The following IQSEC3 variants were observed in gnomAD, a reference collection of about 807,000 sequenced individuals.
IQSEC3 encodes the protein IQ motif and Sec7 domain ArfGEF 3.
IQSEC3 carries 50 observed loss-of-function variants against 105.4 expected under a neutral mutation model. That is an observed-to-expected ratio of 0.47 (90% CI 0.38 to 0.60). IQSEC3 has a LOEUF of 0.60. Among genes scored for constraint, IQSEC3 ranks in the 20% least tolerant of loss-of-function variants. IQSEC3 has a pLI of 0.00. For missense variants in IQSEC3, 1,415 were observed against 1,630.0 expected, an observed-to-expected ratio of 0.87 and a Z score of 2.27; for synonymous variants, 708 against 746.0, an observed-to-expected ratio of 0.95 and a Z score of 0.83.
intron 1 of IQSEC3, among the ~76,000 whole-genome samples, chr12:73,102 G>T (rs1555067982): frequency 6.6e-6 from 1 of 150,754 alleles, no homozygotes; most frequent in Non-Finnish European, 1.5e-5. Flanking sequence ...AAATAAAAAA[G>T]GGAATCAGGA....
At chr12:174,451 A>C in intron 13 of IQSEC3, 148 bp from the exon 14 acceptor site, 1 of 726,382 alleles carries the variant, frequency 1.4e-6, no homozygotes, top group Non-Finnish European at 2.1e-6. Flanking sequence ...GTCGCAACCC[A>C]GTCTTCTTGT....
In IQSEC3 at chr12:138,853, T is replaced by C; in HGVS notation, c.1490T>C (p.Ile497Thr). The C allele has an allele frequency of 6.2e-7, 1 of 1,612,092 alleles. No individual in the cohort carries two copies. Among genetic ancestry groups the C allele is most frequent in the East Asian group, 2.2e-5 (1 of 44,744 alleles). The change falls in exon 4 of 14, where the codon ATA (isoleucine) becomes ACA (threonine). Residue 497 changes from isoleucine (I) to threonine (T), a missense_variant. By Grantham distance (89) the Ile-to-Thr change is moderately conservative. Transcript: ENST00000538872. The surrounding 1 kb of genome is among the most constrained non-coding windows in gnomAD (Gnocchi z 7.1). ...DVTVQIANQNISVSSSTALSV... is the reference protein window; with the variant it reads ...DVTVQIANQNTSVSSSTALSV... ...ACGGTGCAGATCGCCAACCAGAACA[T>C]ATCCGTCTCCTCCTCCACGGCTCTG...
chr12:84,533 G>A (rs1863854226), intron 1 of IQSEC3, among the ~76,000 whole-genome samples: 1 of 152,238 alleles, frequency 6.6e-6, no homozygotes, highest in Non-Finnish European at 1.5e-5. Flanking sequence ...TGTGTGCATA[G>A]GTTTGGGGCG....
chr12:110,487 T>G (rs1864844169), intron 2 of IQSEC3, among the ~76,000 whole-genome samples: 1 of 151,884 alleles, frequency 6.6e-6, no homozygotes, highest in Non-Finnish European at 1.5e-5. Context: ...TCCCTTTAAT[T>G]ATTAGTTCCC....
At chr12:112,979 A>G (rs1283874683) in intron 2 of IQSEC3, among the ~76,000 whole-genome samples, 1 of 152,072 alleles carries the variant, frequency 6.6e-6, no homozygotes, top group Non-Finnish European at 1.5e-5. Flanking sequence ...GAAGAATTTC[A>G]CCCCACTCAT....
At chr12:84,959 C>T (rs916700900) in intron 1 of IQSEC3, among the ~76,000 whole-genome samples, 1 of 152,068 alleles carries the variant, frequency 6.6e-6, no homozygotes, top group Non-Finnish European at 1.5e-5. Context: ...CCAGAAGCAG[C>T]GTGCAGCAAA....
intron 13 of IQSEC3, among the ~76,000 whole-genome samples, chr12:171,787 A>G (rs1939012564): frequency 6.6e-6 from 1 of 152,196 alleles, no homozygotes; most frequent in African/African-American, 2.4e-5. Context: ...GAGACAGAGT[A>G]GGGTGGGGCT....
chr12:155,733 C>T (rs968143280), intron 5 of IQSEC3, among the ~76,000 whole-genome samples: 4 of 152,124 alleles, frequency 2.6e-5, no homozygotes, highest in African/African-American at 7.2e-5. Flanking sequence ...ACTCAGCAGG[C>T]GTTTTCTGTG....
At chr12:171,447 T>G (rs1431836992) in intron 13 of IQSEC3, 2 of 827,840 alleles carry the variant, frequency 2.4e-6, no homozygotes, top group Admixed American at 2.3e-5. Flanking sequence ...CACGGCACCC[T>G]AGGGCCATCC....
rs114830270 is a variant in IQSEC3, at chr12:155,624, T to C, written c.2154-1401T>C. Among the ~76,000 whole-genome samples, 495 of 151,712 alleles carry C rather than the reference T, an allele frequency of 3.3e-3. 3 individuals are homozygous for C. Among genetic ancestry groups the C allele is most frequent in the African/African-American group, 0.012 (479 of 41,338 alleles). On this transcript the variant is annotated intron_variant, in intron 5 of 13. Transcript: ENST00000538872. The stretch of plus-strand genomic sequence containing the variant: ...TTTCTCCTAAAAACTGACGGCAGAG[T>C]TGGGGGTCTCCAAGTCTTCTAGGCA...
intron 1 of IQSEC3, among the ~76,000 whole-genome samples, chr12:73,931 G>T (rs1232175563): frequency 6.6e-6 from 1 of 152,248 alleles, no homozygotes; most frequent in African/African-American, 2.4e-5. Flanking sequence ...ATTTCTAGTT[G>T]GCAAAGGCTT....
intron 3 of IQSEC3, among the ~76,000 whole-genome samples, chr12:127,391 T>C (rs572254992): frequency 2.0e-5 from 3 of 152,262 alleles, no homozygotes; most frequent in Admixed American, 6.5e-5. Context: ...TGGTGGCGCA[T>C]GCCTGTAATC....
Position 106,571 on chromosome 12 carries a change from G to C in IQSEC3, c.623+7357G>C, listed in dbSNP as rs567745799. 2.0e-5 allele frequency: 3 copies of C among 152,382 alleles called. No homozygotes were observed. The South Asian group carries it at 6.2e-4, about 32-fold the overall frequency. The allele number at this position is 152,382 out of a possible 1,614,324, so 9.4% of individuals were successfully genotyped here. Reference sequence around the variant, plus strand: ...AGTTAAGGAAATACCCCTAACTAAAGATAATACTTCCAGAACAAGTGAGAG... The same window carrying C: ...AGTTAAGGAAATACCCCTAACTAAACATAATACTTCCAGAACAAGTGAGAG... On this transcript the variant is annotated intron_variant, in intron 2 of 13. Transcript: ENST00000538872.
chr12:92,383 C>G (rs1375180786), intron 1 of IQSEC3, among the ~76,000 whole-genome samples: 12 of 152,196 alleles, frequency 7.9e-5, no homozygotes, highest in Admixed American at 3.3e-4. Flanking sequence ...CAGCCTTGGG[C>G]TGTGGTTCCC....
At position 138,637 on chromosome 12, in the gene IQSEC3, T is replaced by C. The variant is rs1163110542; in HGVS notation, c.1274T>C (p.Met425Thr). 6.3e-7 allele frequency: 1 copy of C among 1,582,236 alleles called. No homozygotes were observed. The highest frequency in any genetic ancestry group is 8.5e-7 in the Non-Finnish European group (1 of 1,172,134). ...CTCAGCACGTGGAGCCTCAAGACCA[T>C]GTGCTCCCTGCGGGAGAGTGGCGCT... Reference protein sequence around the residue: ...DALSTWSLKTMCSLRESGAYQ... With the variant: ...DALSTWSLKTTCSLRESGAYQ... The change falls in exon 4 of 14, where the codon ATG becomes ACG. Residue 425 changes from methionine to threonine, a missense_variant. Around this residue, in one of 6 missense-constraint regions of IQSEC3, gnomAD observed 720 missense variants for 633.0 expected, o/e 1.14. Transcript: ENST00000538872. The surrounding 1 kb of genome is among the most constrained non-coding windows in gnomAD (Gnocchi z 7.1).
intron 2 of IQSEC3, among the ~76,000 whole-genome samples, chr12:121,268 T>C (rs1865210072): frequency 6.6e-6 from 1 of 152,170 alleles, no homozygotes; most frequent in Non-Finnish European, 1.5e-5. Context: ...AGAGACTGGA[T>C]TGAAGTAGAT....
intron 2 of IQSEC3, among the ~76,000 whole-genome samples, chr12:110,871 G>A (rs1864859827): frequency 6.6e-6 from 1 of 152,134 alleles, no homozygotes; most frequent in Non-Finnish European, 1.5e-5. Context: ...CTCTAAGAGG[G>A]TACCTGTTAG....
At chr12:163,964 G>A (rs986584024) in intron 9 of IQSEC3, among the ~76,000 whole-genome samples, 3 of 152,188 alleles carry the variant, frequency 2.0e-5, no homozygotes, top group Non-Finnish European at 4.4e-5. Context: ...CAGACCCCAG[G>A]GCCTGGGAGG....
At chr12:106,514 A>G (rs1555077942) in intron 2 of IQSEC3, 1 of 152,272 alleles carries the variant, frequency 6.6e-6, no homozygotes. Flanking sequence ...TTAGGGACAG[A>G]AACAGCAACA....
Sources: gnomAD v4.1 joint callset for allele counts (sites outside exome capture counted in the v4.1 genomes callset) on GRCh38, gnomAD v4.1.1 for gene constraint, gnomAD v4.1.1 regional missense constraint, Gnocchi (gnomAD v3.1) non-coding constraint, MANE v1.5 for transcripts, NCBI Gene and HGNC (gene_info 2026-07-23, HGNC 2026-07-21) for gene names.